Variants in PDXDC1 observed in about 807,000 individuals in gnomAD.
The protein encoded by PDXDC1 is pyridoxal-dependent decarboxylase domain-containing protein 1.
A neutral mutation model predicts 100.1 loss-of-function variants in PDXDC1; 42 were observed. That is an observed-to-expected ratio of 0.42 (90% CI 0.33 to 0.54). The LOEUF (loss-of-function observed/expected upper bound fraction) is 0.54. Ranked by LOEUF, PDXDC1 falls within the 20% of genes least tolerant of loss-of-function variation. The pLI, the probability that PDXDC1 is intolerant of heterozygous loss-of-function variation, is 0.10. For synonymous variants in PDXDC1, 260 were observed against 371.7 expected, an observed-to-expected ratio of 0.70 and a Z score of 3.46; for missense variants, 636 against 979.2, an observed-to-expected ratio of 0.65 and a Z score of 4.68.
chr16:15,091,709 T>C (rs1006727617), intron 16 of PDXDC1, among the ~76,000 whole-genome samples: 4 of 152,174 alleles, frequency 2.6e-5, no homozygotes, highest in Non-Finnish European at 4.4e-5. Flanking sequence ...TAAAAAAGTA[T>C]TCACTCAAAT....
At chr16:15,083,734 G>A (rs921995662) in intron 16 of PDXDC1, 157 of 1,097,398 alleles carry the variant, frequency 1.4e-4, no homozygotes, top group Non-Finnish European at 2.0e-4. Flanking sequence ...TTTGTTTTTT[G>A]AGACGGAGTT....
chr16:15,083,585 A>G, intron 16 of PDXDC1: 3 of 1,598,180 alleles, frequency 1.9e-6, no homozygotes, highest in Non-Finnish European at 2.6e-6. Context: ...ACGGTGTCCT[A>G]TTTTTAAAAA....
intron 8 of PDXDC1, among the ~76,000 whole-genome samples, chr16:15,013,971 C>T (rs541284624): frequency 1.6e-3 from 242 of 152,132 alleles, no homozygotes; most frequent in African/African-American, 3.0e-3. Context: ...CTTTGAGAGG[C>T]CAAGGCGGGA....
chr16:15,089,786 C>CAAAAA lies in PDXDC1; in HGVS notation c.1400-49072_1400-49068dup, dbSNP rs142235345. Among the ~76,000 whole-genome samples, 267 of 66,578 alleles carry CAAAAA rather than the reference C, an allele frequency of 4.0e-3. 14 individuals are homozygous for CAAAAA. The highest frequency in any genetic ancestry group is 0.031 in the Middle Eastern group (2 of 64). The allele number at this position is 66,578 out of a possible 152,430, so 43.7% of individuals were successfully genotyped here. A position where few individuals can be genotyped will look rare whatever the true frequency, so the allele number is the denominator to read the frequency against. On this transcript the variant is annotated intron_variant, in intron 16 of 16. Transcript: ENST00000535621. ...CTGCACTCCAGCCTGGGCGACAGAG[C>CAAAAA]AAAAAAAAAAAAAAAAAAAAAAAAA...
chr16:15,032,790 G>T (rs2043146540), intron 17 of PDXDC1, 71 bp from the exon 18 acceptor site: 1 of 897,034 alleles, frequency 1.1e-6, no homozygotes, highest in Admixed American at 1.8e-5. Context: ...ATATTTAGAG[G>T]TTTCTAATCC....
At chr16:15,127,844 C>G (rs755935584) in intron 16 of PDXDC1, 1 of 1,565,886 alleles carries the variant, frequency 6.4e-7, no homozygotes. Flanking sequence ...TCAAAGAAGC[C>G]GCACTGCAGC....
At chr16:15,143,150 C>G (rs2048500947), downstream of PDXDC1, among the ~76,000 whole-genome samples, 1 of 152,174 alleles carries the variant, frequency 6.6e-6, no homozygotes, top group South Asian at 2.1e-4. Flanking sequence ...CGCCGAGCGT[C>G]CGATCTGGAA....
intron 16 of PDXDC1, chr16:15,135,458 G>A: frequency 8.2e-7 from 1 of 1,223,368 alleles, no homozygotes; most frequent in East Asian, 2.5e-5. Flanking sequence ...GGGCGACGTG[G>A]CCCGAGAACC....
At chr16:15,128,397 G>T (rs750498110) in intron 16 of PDXDC1, 21 of 1,518,030 alleles carry the variant, frequency 1.4e-5, no homozygotes, top group Non-Finnish European at 1.7e-5. Context: ...TACCTGGAGG[G>T]CAAGAGGGAG....
intron 2 of PDXDC1, among the ~76,000 whole-genome samples, chr16:14,998,106 T>C (rs1339827564): frequency 1.3e-5 from 2 of 152,282 alleles, no homozygotes; most frequent in Non-Finnish European, 1.5e-5. Context: ...ATTCAGGTCA[T>C]ATAGAGCACC....
chr16:15,061,638 G>A (rs931593800), intron 16 of PDXDC1: 15 of 1,043,260 alleles, frequency 1.4e-5, no homozygotes, highest in East Asian at 7.4e-5. Flanking sequence ...GCAGGCACTC[G>A]CTCTAGTTCA....
At chr16:15,104,437 T>A in intron 16 of PDXDC1, 2 of 1,303,002 alleles carry the variant, frequency 1.5e-6, no homozygotes, top group Non-Finnish European at 9.9e-7. Flanking sequence ...CCGCTGAGGG[T>A]GGAGCTGAGG....
chr16:15,001,045 A>G (rs1277823453), intron 3 of PDXDC1, among the ~76,000 whole-genome samples: 1 of 152,190 alleles, frequency 6.6e-6, no homozygotes, highest in African/African-American at 2.4e-5. Context: ...AATGAAATGT[A>G]TAGAAATGTT....
At position 15,061,730 on chromosome 16, in the gene PDXDC1, ACAAATTT is replaced by A. The variant is rs752351157; in HGVS notation, c.1399+31676_1399+31682del. 7 of 1,599,762 alleles carry A rather than the reference ACAAATTT, an allele frequency of 4.4e-6. No individual in the cohort carries two copies. The South Asian group carries it at 7.7e-5, about 18-fold the overall frequency. Reference sequence around the variant, plus strand: ...GAATCCCAAATGTCACATCTCAGTCACAAATTTCTGCCGTCAGAGGGGACTGGGTTGC... The same window carrying A: ...GAATCCCAAATGTCACATCTCAGTCACTGCCGTCAGAGGGGACTGGGTTGC... On this transcript the variant is annotated intron_variant, in intron 16 of 16. Transcript: ENST00000535621.
chr16:15,093,166 G>T (rs1267776948), intron 16 of PDXDC1, among the ~76,000 whole-genome samples: 1 of 152,160 alleles, frequency 6.6e-6, no homozygotes, highest in African/African-American at 2.4e-5. Context: ...CACCATGCCC[G>T]GCTGATTTTT....
chr16:15,013,359 G>GAAAAAAAAAAAAA (rs779875897), intron 8 of PDXDC1, among the ~76,000 whole-genome samples: 1 of 136,924 alleles, frequency 7.3e-6, no homozygotes, highest in Admixed American at 7.6e-5. Flanking sequence ...AAAAAAAAAA[G>GAAAAAAAAAAAAA]AAAAAAAAAA....
downstream of PDXDC1, among the ~76,000 whole-genome samples, chr16:15,141,294 C>T (rs1388471929): frequency 6.6e-6 from 1 of 152,234 alleles, no homozygotes; most frequent in Non-Finnish European, 1.5e-5. Context: ...AGGGAACCAA[C>T]AAAGAAGGGG....
At chr16:15,039,206 T>C (rs1300534947), downstream of PDXDC1, among the ~76,000 whole-genome samples, 1 of 152,226 alleles carries the variant, frequency 6.6e-6, no homozygotes, top group Non-Finnish European at 1.5e-5. Context: ...CCTAGCAATA[T>C]TCACTTTGGT....
At chr16:15,015,586 C>T (rs1352030094) in intron 8 of PDXDC1, among the ~76,000 whole-genome samples, 4 of 152,232 alleles carry the variant, frequency 2.6e-5, no homozygotes, top group Admixed American at 2.0e-4. Context: ...GCGTGGTGGC[C>T]ACCGCCTGTA....
Sources: gnomAD v4.1 joint callset for allele counts (sites outside exome capture counted in the v4.1 genomes callset) on GRCh38, gnomAD v4.1.1 for gene constraint, MANE v1.5 for transcripts, NCBI Gene and HGNC (gene_info 2026-07-23, HGNC 2026-07-21) for gene names.